SRRM2: variants seen among roughly 807,000 people sequenced by gnomAD.
The protein encoded by SRRM2 is serine/arginine repetitive matrix 2, also known as serine/arginine repetitive matrix protein 2.
A neutral mutation model predicts 213.8 loss-of-function variants in SRRM2; 30 were observed. The observed-to-expected ratio is 0.14, with a 90% CI of 0.10 to 0.19. SRRM2 has a LOEUF of 0.19. Ranked by LOEUF, SRRM2 falls within the 10% of genes least tolerant of loss-of-function variation. The pLI is 1.00. For synonymous variants in SRRM2, 2,025 were observed against 1,377.7 expected (o/e 1.47, Z -10.40); for missense variants, 4,904 against 3,647.0 (o/e 1.34, Z -8.88).
chr16:2,770,461 C>G lies in SRRM2; in HGVS notation c.8131C>G (p.Gln2711Glu). 1 of 1,606,340 alleles carries G rather than the reference C, an allele frequency of 6.2e-7. No individual in the cohort carries two copies. The highest frequency in any genetic ancestry group is 1.7e-5 in the Admixed American group (1 of 59,304). The change falls in exon 13 of 15, where the codon CAG (glutamine) becomes GAG (glutamate). Residue 2711 changes from glutamine (Q) to glutamate (E), a missense_variant. Physicochemically the swap from Gln to Glu is conservative, Grantham distance 29. Transcript: ENST00000301740. ...GCCCCAGCCCTCACCACGGGACCAG[C>G]AGAGGTAAGGCCAACTGCAGGTGTC... The part of the protein sequence containing the change: ...PSPQPSPRDQ[Q>E]SSSSERGSRR...
rs772309278 is a variant in SRRM2, at chr16:2,769,213, C to A, written c.7950C>A (p.Ser2650=). The A allele has an allele frequency of 1.2e-6, 2 of 1,601,476 alleles. No homozygotes were observed. ...SSSSSSSSSP[S]PAKPGPQALP... ...CCTCCTCGTCGTCTTCCTCCCCTTC[C>A]CCTGCTAAGCCTGGCCCTCAGGCCT... The change falls in exon 12 of 15, where the codon TCC becomes TCA. Residue 2650 remains serine (S), a synonymous_variant. Coordinates refer to ENST00000301740, the MANE Select transcript of SRRM2 (RefSeq NM_016333.4).
chr16:2,752,893 G>T, intron 1 of SRRM2, 47 bp downstream of exon 1: 1 of 193,296 alleles, frequency 5.2e-6, no homozygotes, highest in South Asian at 5.9e-5. Flanking sequence ...AGGGGCGGCG[G>T]CCCCGGCGCG....
At chr16:2,759,503 G>A in intron 8 of SRRM2, 66 bp from the exon 9 acceptor site, 1 of 1,603,110 alleles carries the variant, frequency 6.2e-7, no homozygotes, top group Non-Finnish European at 8.5e-7. Flanking sequence ...AGGGTTGAGG[G>A]ATACGTGAGG....
chr16:2,762,315 C>G lies in SRRM2; in HGVS notation c.1787C>G (p.Ser596Cys). The change falls in exon 11 of 15, where the codon TCC becomes TGC. Residue 596 changes from serine (S) to cysteine (C), a missense_variant. Ser to Cys is a moderately radical substitution (Grantham distance 112). Coordinates refer to ENST00000301740, the MANE Select transcript of SRRM2 (RefSeq NM_016333.4). Reference sequence around the variant, plus strand: ...ACACCTGCCAGGCGGAGATCACGATCCAGAACTCCCACCAGGCGTAGGTCT... The same window carrying G: ...ACACCTGCCAGGCGGAGATCACGATGCAGAACTCCCACCAGGCGTAGGTCT... ...SRTPARRRSR[S>C]RTPTRRRSRS... The G allele has an allele frequency of 6.2e-7, 1 of 1,614,160 alleles. No homozygotes were observed. The highest frequency in any genetic ancestry group is 1.1e-5 in the South Asian group (1 of 91,074).
chr16:2,765,486 G>A lies in SRRM2; in HGVS notation c.4958G>A (p.Ser1653Asn). Residue 1653 changes from serine (S) to asparagine (N), a missense_variant, in exon 11 of 15, where the codon AGC becomes AAC. By Grantham distance (46) the Ser-to-Asn change is conservative. Transcript: ENST00000301740. ...KGRGPSPEGSSSTESSPEHPP... is the reference protein window; with the variant it reads ...KGRGPSPEGSNSTESSPEHPP... ...AGAGGCCCTTCTCCTGAAGGAAGCA[G>A]CAGTACCGAGTCCTCTCCTGAACAT... 1 of 1,614,194 alleles carries A rather than the reference G, an allele frequency of 6.2e-7. No homozygotes were observed. Among genetic ancestry groups the A allele is most frequent in the Non-Finnish European group, 8.5e-7 (1 of 1,180,040 alleles).
intron 9 of SRRM2, 47 bp downstream of exon 9, chr16:2,759,708 A>G: frequency 6.5e-7 from 1 of 1,546,676 alleles, no homozygotes; most frequent in South Asian, 1.1e-5. Flanking sequence ...ATGATGGGTT[A>G]ATTAATTTAA....
rs1392392604 is a variant in SRRM2, at chr16:2,764,397, A to G, written c.3869A>G (p.Gln1290Arg). 2 of 1,613,286 alleles carry G rather than the reference A, an allele frequency of 1.2e-6. No homozygotes were observed. The highest frequency in any genetic ancestry group is 1.7e-6 in the Non-Finnish European group (2 of 1,179,842). Residue 1290 changes from glutamine to arginine, a missense_variant, in exon 11 of 15, where the codon CAG (glutamine) becomes CGG (arginine). Physicochemically the swap from Gln to Arg is conservative, Grantham distance 43 (BLOSUM62 1). Transcript: ENST00000301740. ...VSLTLDQSQS[Q>R]ASLEAVEVPS... ...TTGACTCTTGATCAGAGCCAGTCAC[A>G]GGCTTCTTTGGAAGCAGTAGAAGTC...
rs1294019636 is a variant in SRRM2 at position 2,765,864 on chromosome 16, G to A, written c.5336G>A (p.Arg1779Lys). ...GLQRSRSRSR[R>K]EKTRTTRRRD... Reference sequence around the variant, plus strand: ...CAGAGGTCCCGTTCCCGCTCAAGGAGAGAGAAAACAAGAACAACCCGACGT... The same window carrying A: ...CAGAGGTCCCGTTCCCGCTCAAGGAAAGAGAAAACAAGAACAACCCGACGT... The change falls in exon 11 of 15, where the codon AGA (arginine) becomes AAA (lysine). Residue 1779 changes from arginine to lysine, a missense_variant. By Grantham distance (26) the Arg-to-Lys change is conservative. Coordinates refer to ENST00000301740, the MANE Select transcript of SRRM2 (RefSeq NM_016333.4). The A allele has an allele frequency of 1.9e-6, 3 of 1,614,122 alleles. No homozygotes were observed. The highest frequency in any genetic ancestry group is 2.5e-6 in the Non-Finnish European group (3 of 1,180,012).
rs1057240029 is a variant in SRRM2 at position 2,767,628 on chromosome 16, C to A, written c.7100C>A (p.Thr2367Asn). 16 of 1,614,070 alleles carry A rather than the reference C, an allele frequency of 9.9e-6. No individual in the cohort carries two copies. The highest frequency in any genetic ancestry group is 1.4e-5 in the Non-Finnish European group (16 of 1,180,038). Reference protein sequence around the residue: ...TAAALAPASLTSARMAPALSG... With the variant: ...TAAALAPASLNSARMAPALSG... Reference sequence around the variant, plus strand: ...GCAGCCTTGGCCCCCGCGAGCCTCACCAGTGCTAGGATGGCTCCAGCATTG... The same window carrying A: ...GCAGCCTTGGCCCCCGCGAGCCTCAACAGTGCTAGGATGGCTCCAGCATTG... The change falls in exon 11 of 15, where the codon ACC (threonine) becomes AAC (asparagine). Residue 2367 changes from threonine to asparagine, a missense_variant. By Grantham distance (65) the Thr-to-Asn change is moderately conservative (BLOSUM62 0). Coordinates refer to ENST00000301740, the MANE Select transcript of SRRM2 (RefSeq NM_016333.4).
Position 2,765,099 on chromosome 16 carries a change from A to G in SRRM2, c.4571A>G (p.Asp1524Gly). 1.2e-6 allele frequency: 2 copies of G among 1,614,148 alleles called. No individual in the cohort carries two copies. Among genetic ancestry groups the G allele is most frequent in the Non-Finnish European group, 1.7e-6 (2 of 1,180,034 alleles). The change falls in exon 11 of 15, where the codon GAT (aspartate) becomes GGT (glycine). Residue 1524 changes from aspartate to glycine, a missense_variant. Coordinates refer to ENST00000301740, the MANE Select transcript of SRRM2 (RefSeq NM_016333.4). The stretch of plus-strand genomic sequence containing the variant: ...AGAAGCGGGTCAGAATCATCAGTTG[A>G]TCAGAAAACTGTGGCTCGGACTCCC... ...RERSGSESSV[D>G]QKTVARTPLG...
rs565405849 is a variant in SRRM2, at chr16:2,766,521, C to T, written c.5993C>T (p.Thr1998Ile). Reference sequence around the variant, plus strand: ...ACCCGAAGGAGATCTCGATCTCGCACATCTCCAGTAACTCGAAGAAGGTCC... The same window carrying T: ...ACCCGAAGGAGATCTCGATCTCGCATATCTCCAGTAACTCGAAGAAGGTCC... Reference protein sequence around the residue: ...PVTRRRSRSRTSPVTRRRSRS... With the variant: ...PVTRRRSRSRISPVTRRRSRS... The change falls in exon 11 of 15, where the codon ACA (threonine) becomes ATA (isoleucine). Residue 1998 changes from threonine (T) to isoleucine (I), a missense_variant. Coordinates refer to ENST00000301740, the MANE Select transcript of SRRM2 (RefSeq NM_016333.4). The surrounding 1 kb of genome is among the most constrained non-coding windows in gnomAD (Gnocchi z 7.0). 6.2e-6 allele frequency: 10 copies of T among 1,614,028 alleles called. No homozygotes were observed. The South Asian group carries it at 8.8e-5, about 14-fold the overall frequency.
intron 1 of SRRM2, 91 bp from the exon 2 acceptor site, chr16:2,756,243 G>C (rs555611226): frequency 1.0e-4 from 124 of 1,183,544 alleles, no homozygotes; most frequent in Non-Finnish European, 1.3e-4. Context: ...TGTTGAATTA[G>C]GGATGAAGGA....
At chr16:2,755,768 C>T (rs1051918745) in intron 1 of SRRM2, among the ~76,000 whole-genome samples, 3 of 152,148 alleles carry the variant, frequency 2.0e-5, no homozygotes, top group Non-Finnish European at 2.9e-5. Context: ...GTTCAGATAC[C>T]TAGGGGCTGT....
chr16:2,764,958 G>GAAGC lies in SRRM2; in HGVS notation c.4431_4434dup (p.Glu1479LysfsTer4). On this transcript the variant is annotated frameshift_variant, in exon 11 of 15. Coordinates refer to ENST00000301740, the MANE Select transcript of SRRM2 (RefSeq NM_016333.4). LOFTEE classifies it high-confidence loss of function. ...ATACCTAGAACGCCATCTAGAGGGA[G>GAAGC]AAGCGAATGTGATTCTTCCCCAGAA... 1 of 1,614,174 alleles carries GAAGC rather than the reference G, an allele frequency of 6.2e-7. No individual in the cohort carries two copies. The highest frequency in any genetic ancestry group is 2.2e-5 in the East Asian group (1 of 44,884).
Position 2,769,129 on chromosome 16 carries a change from CTCCTCCTCCTCTTCTTCCTCCTCCTCT to C in SRRM2, c.7872_7898del (p.Ser2640_Ser2648del). ...CCTCCTCTTCATCTTCCTCCTCCTC[CTCCTCCTCCTCTTCTTCCTCCTCCTCT>C]TCCTCTTCTTCTTCTTCCTCCTCAT... On this transcript the variant is annotated inframe_deletion, in exon 12 of 15. Transcript: ENST00000301740. 1 of 1,613,006 alleles carries C rather than the reference CTCCTCCTCCTCTTCTTCCTCCTCCTCT, an allele frequency of 6.2e-7. No individual in the cohort carries two copies. Among genetic ancestry groups the C allele is most frequent in the Non-Finnish European group, 8.5e-7 (1 of 1,179,112 alleles).
rs759315411 is a variant in SRRM2, at chr16:2,767,788, C to T, written c.7260C>T (p.Thr2420=). The T allele has an allele frequency of 6.2e-6, 10 of 1,613,896 alleles. No individual in the cohort carries two copies. The highest frequency in any genetic ancestry group is 4.0e-5 in the African/African-American group (3 of 74,840). The change falls in exon 11 of 15, where the codon ACC becomes ACT. Residue 2420 remains threonine, a synonymous_variant. Transcript: ENST00000301740. Reference sequence around the variant, plus strand: ...CTGCCCCAAGCCAATCTAGGATGACCTCTGAACGGGCTCCCTCCCCTTCCT... The same window carrying T: ...CTGCCCCAAGCCAATCTAGGATGACTTCTGAACGGGCTCCCTCCCCTTCCT... ...PPSAPSQSRM[T]SERAPSPSSR...
At chr16:2,756,275 G>T in intron 1 of SRRM2, 59 bp from the exon 2 acceptor site, 1 of 1,411,508 alleles carries the variant, frequency 7.1e-7, no homozygotes, top group Non-Finnish European at 9.3e-7. Flanking sequence ...TGGGTGTGGG[G>T]CGGTAAGTGG....
Position 2,770,641 on chromosome 16 carries a change from G to A in SRRM2, c.8173G>A (p.Gly2725Arg). 6.4e-7 allele frequency: 1 copy of A among 1,552,556 alleles called. No homozygotes were observed. Residue 2725 changes from glycine (G) to arginine (R), a missense_variant, in exon 14 of 15, where the codon GGG becomes AGG. Physicochemically the swap from Gly to Arg is moderately radical, Grantham distance 125. Transcript: ENST00000301740. ...GCGGGGTTCCCGGAGAGGCCAGCGT[G>A]GGGACAGCCGCTCCCCCAGCCACAA... ...SERGSRRGQR[G>R]DSRSPSHKRR...
intron 2 of SRRM2, among the ~76,000 whole-genome samples, chr16:2,757,149 G>A (rs1395747545): frequency 6.6e-6 from 1 of 152,180 alleles, no homozygotes; most frequent in East Asian, 1.9e-4. Context: ...CTTTTATACA[G>A]TATCCCTTAC....
Sources: allele counts gnomAD v4.1 joint callset (sites outside exome capture counted in the v4.1 genomes callset), GRCh38; gene constraint gnomAD v4.1.1; non-coding constraint Gnocchi (gnomAD v3.1); transcripts MANE v1.5; gene names NCBI Gene and HGNC (gene_info 2026-07-23, HGNC 2026-07-21).